The following PRKCH variants were observed in gnomAD, a reference collection of about 807,000 sequenced individuals.
PRKCH encodes the protein protein kinase C eta, also known as protein kinase C eta type.
A neutral mutation model predicts 82.5 loss-of-function variants in PRKCH; 28 were observed. The observed-to-expected ratio is 0.34, with a 90% CI of 0.25 to 0.47. PRKCH has a LOEUF of 0.47. Ranked by LOEUF, PRKCH falls within the 20% of genes least tolerant of loss-of-function variation. The pLI is 1.00. For missense variants in PRKCH, 705 were observed against 881.8 expected, an observed-to-expected ratio of 0.80 and a Z score of 2.54; for synonymous variants, 322 against 327.4, an observed-to-expected ratio of 0.98 and a Z score of 0.18.
At chr14:61,210,640 G>C (rs943231232) in intron 1 of PRKCH, among the ~76,000 whole-genome samples, 3 of 152,118 alleles carry the variant, frequency 2.0e-5, no homozygotes, top group Non-Finnish European at 4.4e-5. Flanking sequence ...TCATTTTACA[G>C]ATGAGGTCAA....
At chr14:61,246,109 T>C (rs527711015) in intron 1 of PRKCH, among the ~76,000 whole-genome samples, 3 of 152,032 alleles carry the variant, frequency 2.0e-5, no homozygotes, top group Non-Finnish European at 4.4e-5. Flanking sequence ...CATTTTGCAA[T>C]AAAAGAATTT....
At position 61,461,916 on chromosome 14, in the gene PRKCH, G is replaced by A. The variant is rs376995319; in HGVS notation, c.1278+4237G>A. Among the ~76,000 whole-genome samples, 21 of 152,214 alleles carry A rather than the reference G, an allele frequency of 1.4e-4. 3 individuals carry two copies. Among genetic ancestry groups the A allele is most frequent in the Admixed American group, 1.2e-3 (18 of 15,282 alleles). On this transcript the variant is annotated intron_variant, in intron 9 of 13. Coordinates refer to ENST00000332981, the MANE Select transcript of PRKCH (RefSeq NM_006255.5). The stretch of plus-strand genomic sequence containing the variant: ...GCATTGAAGTCTATTTTTCCTAGTG[G>A]AAGTTTTATGTTTGACCACAAGGTG...
Position 61,197,062 on chromosome 14 carries a change from C to T in PRKCH, c.-19+9394C>T, listed in dbSNP as rs116101928. Among the ~76,000 whole-genome samples, 905 of 152,252 alleles carry T rather than the reference C, an allele frequency of 5.9e-3. 9 individuals are homozygous for T. The highest frequency in any genetic ancestry group is 0.02 in the African/African-American group (846 of 41,542). On this transcript the variant is annotated intron_variant, in intron 1 of 3. Coordinates refer to the PRKCH transcript ENST00000555185. The stretch of plus-strand genomic sequence containing the variant: ...AACAACTTGCTCAGCCGTCTCACTT[C>T]TGACTTTCATGATAAATGTTTTCTT...
chr14:61,277,232 G>A (rs1269908245), intron 1 of PRKCH: 1 of 152,238 alleles, frequency 6.6e-6, no homozygotes, highest in Non-Finnish European at 1.5e-5. Flanking sequence ...TAATTTTATA[G>A]TGAGCAAATT....
At chr14:61,215,829 A>T (rs1254992142) in intron 1 of PRKCH, among the ~76,000 whole-genome samples, 1 of 152,160 alleles carries the variant, frequency 6.6e-6, no homozygotes, top group South Asian at 2.1e-4. Flanking sequence ...AGCTTTCTAA[A>T]TATCTGCCAA....
At position 61,280,671 on chromosome 14, in the gene PRKCH, G is replaced by T; in HGVS notation, c.-19+93003G>T. On this transcript the variant is annotated intron_variant, in intron 1 of 3. Transcript: ENST00000555185. The surrounding 1 kb of genome is among the most constrained non-coding windows in gnomAD (Gnocchi z 5.0). ...TGTTGGCGATGGCGCCGCAGGGCGC[G>T]ATGGGCAGGCCGGCCGCGCTGCGCT... The T allele has an allele frequency of 6.4e-7, 1 of 1,573,314 alleles. No individual in the cohort carries two copies. The highest frequency in any genetic ancestry group is 8.6e-7 in the Non-Finnish European group (1 of 1,161,184).
At chr14:61,272,775 C>T (rs762235815) in intron 1 of PRKCH, among the ~76,000 whole-genome samples, 2 of 152,158 alleles carry the variant, frequency 1.3e-5, no homozygotes, top group African/African-American at 2.4e-5. Flanking sequence ...CTGGCAGTAA[C>T]AAAAAGTTTA....
At chr14:61,478,123 A>C (rs1272719148) in intron 9 of PRKCH, among the ~76,000 whole-genome samples, 1 of 152,240 alleles carries the variant, frequency 6.6e-6, no homozygotes, top group Non-Finnish European at 1.5e-5. Context: ...CATGATGATG[A>C]GGATAATAAT....
chr14:61,260,804 C>T (rs985143548), intron 1 of PRKCH, among the ~76,000 whole-genome samples: 1 of 152,110 alleles, frequency 6.6e-6, no homozygotes, highest in Non-Finnish European at 1.5e-5. Flanking sequence ...TAATGCTAAC[C>T]TTTGCGGATA....
At chr14:61,497,774 T>G (rs1018347861) in intron 10 of PRKCH, among the ~76,000 whole-genome samples, 1 of 152,130 alleles carries the variant, frequency 6.6e-6, no homozygotes, top group South Asian at 2.1e-4. Context: ...GGATGGGCTC[T>G]TTAAACTGAC....
chr14:61,496,824 A>G (rs1350221646), intron 10 of PRKCH, among the ~76,000 whole-genome samples: 9 of 152,158 alleles, frequency 5.9e-5, no homozygotes, highest in Admixed American at 2.0e-4. Flanking sequence ...GATTGCTACC[A>G]TTTATTGAGC....
chr14:61,194,494 A>C (rs1008988544), intron 1 of PRKCH, among the ~76,000 whole-genome samples: 2 of 152,212 alleles, frequency 1.3e-5, no homozygotes, highest in Non-Finnish European at 2.9e-5. Context: ...GGTATCATCT[A>C]TAAGCCAGAA....
chr14:61,260,607 C>A (rs76071616), intron 1 of PRKCH, among the ~76,000 whole-genome samples: 9,690 of 152,198 alleles, frequency 0.064, 379 homozygotes, highest in East Asian at 0.14. Flanking sequence ...CAGTAAATCA[C>A]AGTTAACTTT....
intron 1 of PRKCH, among the ~76,000 whole-genome samples, chr14:61,202,054 T>C (rs1385430736): frequency 6.6e-6 from 1 of 152,186 alleles, no homozygotes; most frequent in Admixed American, 6.5e-5. Context: ...TACATCTAGG[T>C]TTCCATCCCA....
chr14:61,217,339 G>C (rs2044623032), intron 1 of PRKCH, among the ~76,000 whole-genome samples: 1 of 152,172 alleles, frequency 6.6e-6, no homozygotes, highest in African/African-American at 2.4e-5. Context: ...GCTGCAGTGA[G>C]AGGTTGAGGC....
chr14:61,458,946 A>G (rs759215385), intron 9 of PRKCH, among the ~76,000 whole-genome samples: 3 of 152,182 alleles, frequency 2.0e-5, no homozygotes, highest in Non-Finnish European at 4.4e-5. Flanking sequence ...CAGCCAAACC[A>G]TATCATGCCC....
At chr14:61,274,100 G>A (rs2045181801) in intron 1 of PRKCH, among the ~76,000 whole-genome samples, 1 of 152,226 alleles carries the variant, frequency 6.6e-6, no homozygotes, top group Non-Finnish European at 1.5e-5. Context: ...GAGGGTTAAG[G>A]ATAGGGCATG....
chr14:61,278,876 C>T (rs561203553), intron 1 of PRKCH: 2 of 151,544 alleles, frequency 1.3e-5, no homozygotes, highest in South Asian at 2.1e-4. Context: ...AACATTGATT[C>T]AAATATGATT....
At chr14:61,382,813 T>C (rs541240967) in intron 1 of PRKCH, among the ~76,000 whole-genome samples, 2 of 152,344 alleles carry the variant, frequency 1.3e-5, no homozygotes, top group Admixed American at 6.5e-5. Flanking sequence ...ATGAATGTTA[T>C]GTAGCTAGAA....
Sources: allele counts gnomAD v4.1 joint callset (sites outside exome capture counted in the v4.1 genomes callset), GRCh38; gene constraint gnomAD v4.1.1; non-coding constraint Gnocchi (gnomAD v3.1); transcripts MANE v1.5; gene names NCBI Gene and HGNC (gene_info 2026-07-23, HGNC 2026-07-21).